The following BTF3 variants were observed in gnomAD, a reference collection of about 807,000 sequenced individuals.
The protein encoded by BTF3 is transcription factor BTF3.
BTF3 carries 12 observed loss-of-function variants against 23.9 expected under a neutral mutation model. The observed-to-expected ratio is 0.50, with a 90% CI of 0.32 to 0.81. BTF3 has a LOEUF of 0.81. Among genes scored for constraint, BTF3 ranks in the 40% least tolerant of loss-of-function variants. The probability of loss-of-function intolerance (pLI) is 0.03; values close to 1 mark genes in which losing one functional copy is unlikely to be tolerated. For synonymous variants in BTF3, 96 were observed against 94.8 expected (o/e 1.01, Z -0.07); for missense variants, 215 against 255.9 (o/e 0.84, Z 1.09).
Position 73,498,508 on chromosome 5 carries a change from C to G in BTF3, c.-160C>G. The G allele has an allele frequency of 8.8e-7, 1 of 1,136,092 alleles. No homozygotes were observed. The highest frequency in any genetic ancestry group is 1.2e-6 in the Non-Finnish European group (1 of 860,120). 70.4% of individuals were successfully genotyped at this position (1,136,092 alleles called of 1,614,324 possible). On this transcript the variant is annotated 5_prime_UTR_variant, in exon 1 of 6. Coordinates refer to ENST00000380591, the MANE Select transcript of BTF3 (RefSeq NM_001037637.2). ...ATCTCAGGTGGTCCACCCGAGACCCCTTGAGCACCAACCCTAGTCCCCCGC... is the reference window on the plus strand; with the variant it reads ...ATCTCAGGTGGTCCACCCGAGACCCGTTGAGCACCAACCCTAGTCCCCCGC...
In BTF3 at chr5:73,503,130, G is replaced by GT; in HGVS notation, c.517+14dup. On this transcript the variant is annotated intron_variant, in intron 4 of 5. Coordinates refer to ENST00000380591, the MANE Select transcript of BTF3 (RefSeq NM_001037637.2). ...CTGCCCAAACAATGTGAGTTTCCTA[G>GT]TAATGGTTTTACCAGGGAATTACTC... 6.2e-7 allele frequency: 1 copy of GT among 1,610,782 alleles called. No individual in the cohort carries two copies. The highest frequency in any genetic ancestry group is 8.5e-7 in the Non-Finnish European group (1 of 1,177,730).
At chr5:73,500,309 A>C (rs1746404994) in intron 2 of BTF3, among the ~76,000 whole-genome samples, 1 of 152,126 alleles carries the variant, frequency 6.6e-6, no homozygotes, top group Non-Finnish European at 1.5e-5. Flanking sequence ...TTTGTGTCTC[A>C]GTGTTTGGAT....
intron 1 of BTF3, 81 bp downstream of exon 1, chr5:73,498,880 G>T (rs958149151): frequency 2.7e-6 from 4 of 1,482,262 alleles, no homozygotes; most frequent in South Asian, 2.6e-5. Flanking sequence ...GGGGTGGGGG[G>T]TGCTGGCCAG....
intron 2 of BTF3, among the ~76,000 whole-genome samples, chr5:73,501,153 G>A (rs960386827): frequency 1.3e-5 from 2 of 152,118 alleles, no homozygotes; most frequent in African/African-American, 4.8e-5. Context: ...AAAATCTAGA[G>A]ATGGGAATGA....
intron 2 of BTF3, among the ~76,000 whole-genome samples, chr5:73,501,410 A>C (rs1355253639): frequency 6.6e-6 from 1 of 152,210 alleles, no homozygotes; most frequent in Non-Finnish European, 1.5e-5. Flanking sequence ...TGGATGATAA[A>C]ATGTATTTAT....
intron 1 of BTF3, 81 bp downstream of exon 1, chr5:73,498,880 G>A (rs958149151): frequency 6.7e-7 from 1 of 1,482,380 alleles, no homozygotes; most frequent in Non-Finnish European, 8.9e-7. Flanking sequence ...GGGGTGGGGG[G>A]TGCTGGCCAG....
At chr5:73,503,583 A>C (rs1337987084) in intron 4 of BTF3, among the ~76,000 whole-genome samples, 1 of 152,226 alleles carries the variant, frequency 6.6e-6, no homozygotes, top group African/African-American at 2.4e-5. Context: ...AGTGTAGCTG[A>C]ATATACATCT....
chr5:73,503,137 T>C lies in BTF3; in HGVS notation c.517+20T>C. 6.2e-7 allele frequency: 1 copy of C among 1,606,916 alleles called. No homozygotes were observed. Among genetic ancestry groups the C allele is most frequent in the Non-Finnish European group, 8.5e-7 (1 of 1,174,326 alleles). On this transcript the variant is annotated intron_variant, in intron 4 of 5. Coordinates refer to ENST00000380591, the MANE Select transcript of BTF3 (RefSeq NM_001037637.2). ...AACAATGTGAGTTTCCTAGTAATGG[T>C]TTTACCAGGGAATTACTCATTTAGC...
In BTF3 at chr5:73,498,783, G is replaced by A; in HGVS notation, c.116G>A (p.Arg39Gln). The A allele has an allele frequency of 6.6e-7, 1 of 1,508,620 alleles. No homozygotes were observed. Among genetic ancestry groups the A allele is most frequent in the Non-Finnish European group, 8.8e-7 (1 of 1,137,628 alleles). The allele number at this position is 1,508,620 out of a possible 1,614,324, so 93.5% of individuals were successfully genotyped here. A position where few individuals can be genotyped will look rare whatever the true frequency, so the allele number is the denominator to read the frequency against. The change falls in exon 1 of 6, where the codon CGA (arginine) becomes CAA (glutamine). Residue 39 changes from arginine to glutamine, a missense_variant. Coordinates refer to ENST00000380591, the MANE Select transcript of BTF3 (RefSeq NM_001037637.2). ...LSQPPPRGGT[R>Q]GQEPQMKETI... ...CAACCTCCACCTCGCGGCGGAACCC[G>A]AGGACAGGAGCCTCAGGTACCGCGA...
chr5:73,502,689 T>C, intron 3 of BTF3, 88 bp downstream of exon 3: 1 of 925,330 alleles, frequency 1.1e-6, no homozygotes, highest in Admixed American at 3.0e-5. Flanking sequence ...TTTTTTTTTT[T>C]TTAACTTAGG....
intron 3 of BTF3, 24 bp downstream of exon 3, chr5:73,502,625 T>C: frequency 6.5e-7 from 1 of 1,540,372 alleles, no homozygotes; most frequent in Non-Finnish European, 8.8e-7. Flanking sequence ...TTTGTTACTT[T>C]AAAAAACAAG....
chr5:73,504,992 A>ATGTT (rs56349241), intron 5 of BTF3, among the ~76,000 whole-genome samples, 200 bp from the exon 6 acceptor site: 31,399 of 149,792 alleles, frequency 0.21, 6,001 homozygotes, highest in East Asian at 0.53. Context: ...CTGCTCCCCC[A>ATGTT]CTATTGACCA....
chr5:73,500,005 A>G (rs1319469247), intron 2 of BTF3, among the ~76,000 whole-genome samples: 5 of 152,354 alleles, frequency 3.3e-5, no homozygotes, highest in African/African-American at 9.6e-5. Context: ...TAAAGCTTCC[A>G]TGGTACATGT....
At chr5:73,504,281 T>TTTTTTTTTTTTG in intron 4 of BTF3, 66 bp from the exon 5 acceptor site, 1 of 685,152 alleles carries the variant, frequency 1.5e-6, no homozygotes. Context: ...TTTTTTTTTT[T>TTTTTTTTTTTTG]TTTTTTTTTT....
rs772223535 is a variant in BTF3 at position 73,504,349 on chromosome 5, G to A, written c.520G>A (p.Val174Met). 1 of 1,479,948 alleles carries A rather than the reference G, an allele frequency of 6.8e-7. No homozygotes were observed. The highest frequency in any genetic ancestry group is 1.2e-5 in the South Asian group (1 of 82,608). The allele number at this position is 1,479,948 out of a possible 1,614,324, so 91.7% of individuals were successfully genotyped here. A position where few individuals can be genotyped will look rare whatever the true frequency, so the allele number is the denominator to read the frequency against. Reference protein sequence around the residue: ...RLAEALPKQSVDGKAPLATGE... With the variant: ...RLAEALPKQSMDGKAPLATGE... ...ATGTTTACATTTTCCTTTCATAGCTGTGGATGGAAAAGCACCACTTGCTAC... is the reference window on the plus strand; with the variant it reads ...ATGTTTACATTTTCCTTTCATAGCTATGGATGGAAAAGCACCACTTGCTAC... Residue 174 changes from valine (V) to methionine (M), a missense_variant and splice_region_variant, in exon 5 of 6, where the codon GTG becomes ATG. Val to Met is a conservative substitution (Grantham distance 21). Coordinates refer to ENST00000380591, the MANE Select transcript of BTF3 (RefSeq NM_001037637.2).
rs953939266 is a variant in BTF3, at chr5:73,502,480, G to A, written c.202-8G>A. 14 of 1,578,974 alleles carry A rather than the reference G, an allele frequency of 8.9e-6. No homozygotes were observed. Among genetic ancestry groups the A allele is most frequent in the African/African-American group, 1.4e-5 (1 of 72,740 alleles). The stretch of plus-strand genomic sequence containing the variant: ...TGCTGTTTTCTTTCCTCTTCTCCCT[G>A]ACTTTAGGGAACTGCTCGCAGAAAG... On this transcript the variant is annotated splice_polypyrimidine_tract_variant and splice_region_variant and intron_variant, in intron 2 of 5. Coordinates refer to ENST00000380591, the MANE Select transcript of BTF3 (RefSeq NM_001037637.2).
chr5:73,499,411 A>C (rs1169272592), intron 2 of BTF3: 2 of 669,998 alleles, frequency 3.0e-6, no homozygotes, highest in Non-Finnish European at 5.4e-6. Context: ...TTGTGTAAAC[A>C]TGTTTGTGTT....
intron 3 of BTF3, 73 bp downstream of exon 3, chr5:73,502,674 G>A (rs1453468837): frequency 3.1e-6 from 3 of 976,814 alleles, no homozygotes; most frequent in Non-Finnish European, 2.7e-6. Flanking sequence ...CATTAAATGG[G>A]TTGTTTTTTT....
In BTF3 at chr5:73,498,805, G is replaced by A; in HGVS notation, c.132+6G>A. On this transcript the variant is annotated splice_donor_region_variant and intron_variant, in intron 1 of 5. Coordinates refer to ENST00000380591, the MANE Select transcript of BTF3 (RefSeq NM_001037637.2). Reference sequence around the variant, plus strand: ...CCCGAGGACAGGAGCCTCAGGTACCGCGAGGCTTGCGGAGAGTGGCCGGGC... The same window carrying A: ...CCCGAGGACAGGAGCCTCAGGTACCACGAGGCTTGCGGAGAGTGGCCGGGC... The A allele has an allele frequency of 1.3e-6, 2 of 1,506,598 alleles. No individual in the cohort carries two copies. Among genetic ancestry groups the A allele is most frequent in the Non-Finnish European group, 1.8e-6 (2 of 1,137,262 alleles). 93.3% of individuals were successfully genotyped at this position (1,506,598 alleles called of 1,614,324 possible). A position where few individuals can be genotyped will look rare whatever the true frequency, so the allele number is the denominator to read the frequency against.
Sources: gnomAD v4.1 joint callset for allele counts (sites outside exome capture counted in the v4.1 genomes callset) on GRCh38, gnomAD v4.1.1 for gene constraint, MANE v1.5 for transcripts, NCBI Gene and HGNC (gene_info 2026-07-23, HGNC 2026-07-21) for gene names.